The following LARGE1 variants were observed in gnomAD, a reference collection of about 807,000 sequenced individuals.
LARGE1 encodes LARGE xylosyl- and glucuronyltransferase 1, also known as xylosyl- and glucuronyltransferase LARGE1.
In LARGE1, 43 loss-of-function variants were observed where a neutral mutation model predicts 87.6. The ratio of observed to expected loss-of-function variants is 0.49; its 90% CI spans 0.38 to 0.63. LARGE1 has a LOEUF of 0.63. Among genes scored for constraint, LARGE1 ranks in the 30% least tolerant of loss-of-function variants. The pLI, the probability that LARGE1 is intolerant of heterozygous loss-of-function variation, is 0.00. For synonymous variants in LARGE1, 434 were observed against 394.6 expected, an observed-to-expected ratio of 1.10 and a Z score of -1.18; for missense variants, 802 against 1,000.2, an observed-to-expected ratio of 0.80 and a Z score of 2.67.
chr22:33,884,329 G>A lies in LARGE1; in HGVS notation c.-83+35666C>T, dbSNP rs114920295. On this transcript the variant is annotated intron_variant, in intron 1 of 14. Coordinates refer to ENST00000397394, the MANE Select transcript of LARGE1 (RefSeq NM_133642.5). The stretch of plus-strand genomic sequence containing the variant: ...GGAACATTATCCTGGGTCACTGTAC[G>A]TTGACCCTCTTTCCTCTGATGGCAT... Among the ~76,000 whole-genome samples the A allele has an allele frequency of 3.5e-3, 535 of 152,336 alleles. 2 individuals are homozygous for A. Among genetic ancestry groups the A allele is most frequent in the African/African-American group, 0.012 (512 of 41,588 alleles).
At position 33,888,603 on chromosome 22, in the gene LARGE1, C is replaced by T. The variant is rs191986493; in HGVS notation, c.-83+31392G>A. 5.3e-5 allele frequency among the ~76,000 whole-genome samples: 8 copies of T among 152,308 alleles called. No homozygotes were observed. In the East Asian group the frequency reaches 1.5e-3, roughly 29 times the overall value. On this transcript the variant is annotated intron_variant, in intron 1 of 14. Transcript: ENST00000397394. ...GGGTGCAGTGGCTCACCGCTGTAAT[C>T]CCAGCACTTTGGGAGGCCGAGGTGG...
intron 6 of LARGE1, among the ~76,000 whole-genome samples, chr22:33,538,834 G>A (rs1462193890): frequency 6.6e-6 from 1 of 152,202 alleles, no homozygotes; most frequent in Non-Finnish European, 1.5e-5. Context: ...CTCTCTGATT[G>A]CTGGCAAGTT....
chr22:33,754,688 T>A (rs2084444925), intron 2 of LARGE1, among the ~76,000 whole-genome samples: 1 of 152,152 alleles, frequency 6.6e-6, no homozygotes, highest in Non-Finnish European at 1.5e-5. Flanking sequence ...GTATTATAAG[T>A]CCCATTTCAT....
chr22:33,720,635 G>C (rs1432822058), intron 2 of LARGE1, among the ~76,000 whole-genome samples: 4 of 152,162 alleles, frequency 2.6e-5, no homozygotes. Flanking sequence ...GCACACACTT[G>C]AGGTCCAAGT....
chr22:33,547,084 A>C (rs1451693763), intron 6 of LARGE1, among the ~76,000 whole-genome samples: 1 of 152,062 alleles, frequency 6.6e-6, no homozygotes, highest in Non-Finnish European at 1.5e-5. Flanking sequence ...ATGTGGACTG[A>C]ACTGTTATAT....
At chr22:33,640,332 T>C (rs933401947) in intron 3 of LARGE1, among the ~76,000 whole-genome samples, 5 of 152,198 alleles carry the variant, frequency 3.3e-5, no homozygotes, top group Admixed American at 2.6e-4. Flanking sequence ...AGTGCATCTA[T>C]TGGAGGTTCT....
chr22:33,324,502 T>C (rs1937073705), intron 10 of LARGE1, among the ~76,000 whole-genome samples: 1 of 152,056 alleles, frequency 6.6e-6, no homozygotes, highest in African/African-American at 2.4e-5. Context: ...AAAAGACAGA[T>C]TTCTCCTGAG....
chr22:33,211,040 G>A (rs1425598211), intron 11 of LARGE1, among the ~76,000 whole-genome samples: 3 of 152,324 alleles, frequency 2.0e-5, no homozygotes, highest in South Asian at 2.1e-4. Context: ...CCAACAGCAC[G>A]TGCTCACTTT....
intron 11 of LARGE1, among the ~76,000 whole-genome samples, chr22:33,199,532 G>C (rs80044487): frequency 6.6e-6 from 1 of 152,044 alleles, no homozygotes; most frequent in African/African-American, 2.4e-5. Flanking sequence ...GTTAATTTTT[G>C]TATATGGTGA....
the LARGE1 span, among the ~76,000 whole-genome samples, chr22:33,125,079 C>T: frequency 1.3e-5 from 2 of 152,116 alleles, no homozygotes; most frequent in Admixed American, 6.5e-5. Flanking sequence ...CTGGGTATTG[C>T]CGTGGCAAAG....
At chr22:33,178,228 T>C (rs77288444) in intron 11 of LARGE1, among the ~76,000 whole-genome samples, 12,386 of 152,232 alleles carry the variant, frequency 0.081, 648 homozygotes, top group Middle Eastern at 0.19. Flanking sequence ...GCAGTGTCCA[T>C]ACACACAAAA....
chr22:33,657,121 G>A (rs890326887), intron 2 of LARGE1: 1 of 152,244 alleles, frequency 6.6e-6, no homozygotes, highest in African/African-American at 2.4e-5. Context: ...GGGTCTGGAT[G>A]GGCCTCCCAT....
intron 9 of LARGE1, among the ~76,000 whole-genome samples, chr22:33,339,733 C>T (rs1248128294): frequency 2.0e-5 from 3 of 152,170 alleles, no homozygotes; most frequent in Admixed American, 6.6e-5. Context: ...ACAAAGTGCA[C>T]TCTTGGCTCA....
At chr22:33,704,396 C>T (rs2082497126) in intron 2 of LARGE1, among the ~76,000 whole-genome samples, 1 of 152,200 alleles carries the variant, frequency 6.6e-6, no homozygotes, top group Non-Finnish European at 1.5e-5. Flanking sequence ...GTTCAAATGT[C>T]CCACCCTGCC....
rs536420427 is a variant in LARGE1 at position 33,304,382 on chromosome 22, C to A, written c.1577G>T (p.Arg526Leu). 2 of 1,614,114 alleles carry A rather than the reference C, an allele frequency of 1.2e-6. No homozygotes were observed. Among genetic ancestry groups the A allele is most frequent in the Non-Finnish European group, 8.5e-7 (1 of 1,180,048 alleles). The change falls in exon 12 of 15, where the codon CGC (arginine) becomes CTC (leucine). Residue 526 changes from arginine to leucine, a missense_variant. Physicochemically the swap from Arg to Leu is moderately radical, Grantham distance 102. This residue lies in a region of LARGE1 where 625 missense variants were observed against 841.9 expected (regional missense o/e 0.74). Transcript: ENST00000397394. ...CACGATGTGGTAGCCCACGTTGTGG[C>A]GGCTCATAAGCACCTCAGAGCCCTG... ...YAQGSEVLMS[R>L]HNVGYHIVYK...
chr22:33,129,846 G>C, the LARGE1 span, among the ~76,000 whole-genome samples: 1 of 152,162 alleles, frequency 6.6e-6, no homozygotes, highest in African/African-American at 2.4e-5. Flanking sequence ...AACGGCCCCC[G>C]TGATCCAATT....
chr22:33,756,934 G>A (rs890932302), intron 2 of LARGE1, among the ~76,000 whole-genome samples: 1 of 152,152 alleles, frequency 6.6e-6, no homozygotes, highest in Non-Finnish European at 1.5e-5. Context: ...AGGGAGACAA[G>A]GATTACTCCC....
chr22:33,920,604 CGGCCTGGGGCGCGG>C (rs1309613436), upstream of LARGE1, among the ~76,000 whole-genome samples: 1 of 145,028 alleles, frequency 6.9e-6, no homozygotes, highest in Non-Finnish European at 1.5e-5. Flanking sequence ...GGCCTCGCCC[CGGCCTGGGGCGCGG>C]GGCCGGGGGC....
At chr22:33,297,853 G>A (rs754792702) in intron 12 of LARGE1, among the ~76,000 whole-genome samples, 5 of 151,466 alleles carry the variant, frequency 3.3e-5, no homozygotes, top group Non-Finnish European at 5.9e-5. Flanking sequence ...GGTGGCAGGC[G>A]CCTGTAATCC....
Sources: allele counts gnomAD v4.1 joint callset (sites outside exome capture counted in the v4.1 genomes callset), GRCh38; gene constraint gnomAD v4.1.1; regional missense constraint gnomAD v4.1.1; transcripts MANE v1.5; gene names NCBI Gene and HGNC (gene_info 2026-07-23, HGNC 2026-07-21).